The following ABLIM1 variants were observed in gnomAD, a reference collection of about 807,000 sequenced individuals.
ABLIM1 encodes the protein actin-binding LIM protein 1.
Under a neutral mutation model 107.0 loss-of-function variants are expected in ABLIM1, and 40 were observed. The ratio of observed to expected loss-of-function variants is 0.37; its 90% CI spans 0.29 to 0.49. The LOEUF (loss-of-function observed/expected upper bound fraction) is 0.49. Ranked by LOEUF, ABLIM1 falls within the 20% of genes least tolerant of loss-of-function variation. ABLIM1 has a pLI of 0.97. For synonymous variants in ABLIM1, 357 were observed against 357.3 expected (o/e 1.00, Z 0.01); for missense variants, 857 against 1,008.5 (o/e 0.85, Z 2.04).
chr10:114,498,526 C>T (rs1312703222), intron 6 of ABLIM1, among the ~76,000 whole-genome samples: 2 of 152,220 alleles, frequency 1.3e-5, no homozygotes, highest in Non-Finnish European at 2.9e-5. Context: ...TCCTGGACTG[C>T]TGACAGTCCC....
At chr10:114,723,028 G>T (rs2081883843) in intron 1 of ABLIM1, among the ~76,000 whole-genome samples, 1 of 152,158 alleles carries the variant, frequency 6.6e-6, no homozygotes, top group Non-Finnish European at 1.5e-5. Flanking sequence ...AGTAAACCAG[G>T]AATTCCTTCC....
intron 1 of ABLIM1, among the ~76,000 whole-genome samples, chr10:114,625,776 T>C (rs144093297): frequency 5.9e-5 from 9 of 152,298 alleles, no homozygotes; most frequent in East Asian, 1.9e-4. Context: ...TGGAGCCAGA[T>C]AGGCAGAAAA....
chr10:114,760,219 CTGTCTATTATAT>C (rs1177062988), intron 1 of ABLIM1, among the ~76,000 whole-genome samples: 1 of 151,916 alleles, frequency 6.6e-6, no homozygotes, highest in Non-Finnish European at 1.5e-5. Flanking sequence ...GAGTTCAACA[CTGTCTATTATAT>C]TGTCTTGCTT....
chr10:114,449,847 G>A (rs756079152), intron 14 of ABLIM1, among the ~76,000 whole-genome samples: 2 of 152,174 alleles, frequency 1.3e-5, no homozygotes, highest in Non-Finnish European at 2.9e-5. Flanking sequence ...TGGAATGGCT[G>A]TTTTGCAAAA....
At chr10:114,606,193 T>A (rs573919540) in intron 1 of ABLIM1, among the ~76,000 whole-genome samples, 2 of 152,268 alleles carry the variant, frequency 1.3e-5, no homozygotes, top group South Asian at 4.1e-4. Context: ...TCCTTAGCAG[T>A]AGCAGGTAAA....
chr10:114,439,124 G>T, intron 21 of ABLIM1, 52 bp downstream of exon 21: 1 of 1,594,516 alleles, frequency 6.3e-7, no homozygotes, highest in South Asian at 1.1e-5. Flanking sequence ...CATCAAATCT[G>T]TTTAGGGTTA....
intron 1 of ABLIM1, among the ~76,000 whole-genome samples, chr10:114,643,766 G>A (rs930345816): frequency 2.0e-5 from 3 of 151,580 alleles, no homozygotes; most frequent in African/African-American, 7.3e-5. Context: ...TTTAGAGAGG[G>A]AGTCTCACTA....
the ABLIM1 span, among the ~76,000 whole-genome samples, chr10:114,791,642 A>T: frequency 1.3e-5 from 2 of 152,028 alleles, no homozygotes. Context: ...CGTCTCAAAA[A>T]AAAAAACAAA....
intron 2 of ABLIM1, 120 bp downstream of exon 2, chr10:114,601,707 G>T (rs1158535424): frequency 2.0e-6 from 3 of 1,487,084 alleles, no homozygotes; most frequent in Non-Finnish European, 2.8e-6. Flanking sequence ...TGATGTCAGG[G>T]CTTCTGAGAG....
chr10:114,784,665 C>CAAAAAAAAA, the ABLIM1 span, among the ~76,000 whole-genome samples: 1 of 88,002 alleles, frequency 1.1e-5, no homozygotes, highest in Non-Finnish European at 2.1e-5. Flanking sequence ...AGACTCACCT[C>CAAAAAAAAA]AAAAAAAAAA....
chr10:114,466,250 C>A (rs954966825), intron 11 of ABLIM1, among the ~76,000 whole-genome samples: 1 of 151,858 alleles, frequency 6.6e-6, no homozygotes, highest in African/African-American at 2.4e-5. Context: ...TTCGAGGCTG[C>A]AGTAAACTAT....
chr10:114,590,913 T>C lies in ABLIM1; in HGVS notation c.379+10914A>G, dbSNP rs866367257. 5.9e-5 allele frequency among the ~76,000 whole-genome samples: 9 copies of C among 152,290 alleles called. No homozygotes were observed. In the Middle Eastern group the frequency reaches 0.01, roughly 174 times the overall value. ...ATCTTATCAAGGAACCCTCCTTTTG[T>C]CCTCTGCCTCCCACTTGGTCTAGAA... On this transcript the variant is annotated intron_variant, in intron 2 of 22. Coordinates refer to ENST00000533213, the MANE Select transcript of ABLIM1 (RefSeq NM_002313.7).
At chr10:114,699,908 T>G (rs1183394615) in intron 1 of ABLIM1, among the ~76,000 whole-genome samples, 1 of 152,230 alleles carries the variant, frequency 6.6e-6, no homozygotes, top group Non-Finnish European at 1.5e-5. Flanking sequence ...ACCACAGTAT[T>G]GCAAGATGTT....
chr10:114,735,561 C>T (rs904192620), intron 1 of ABLIM1, among the ~76,000 whole-genome samples: 2 of 152,182 alleles, frequency 1.3e-5, no homozygotes, highest in African/African-American at 2.4e-5. Flanking sequence ...CCTCTGCCTC[C>T]CAGGTTCAAG....
intron 1 of ABLIM1, among the ~76,000 whole-genome samples, chr10:114,737,494 C>T (rs2082203847): frequency 6.6e-6 from 1 of 152,180 alleles, no homozygotes; most frequent in Non-Finnish European, 1.5e-5. Flanking sequence ...TCCCAACCTG[C>T]ACCTTGCTCT....
the ABLIM1 span, among the ~76,000 whole-genome samples, chr10:114,787,279 T>C: frequency 3.3e-5 from 5 of 149,700 alleles, no homozygotes; most frequent in East Asian, 6.0e-4. Flanking sequence ...GTCTGAGAAG[T>C]GAGGAGCCTC....
intron 1 of ABLIM1, among the ~76,000 whole-genome samples, chr10:114,766,327 A>C (rs1156836414): frequency 6.6e-6 from 1 of 152,250 alleles, no homozygotes; most frequent in Non-Finnish European, 1.5e-5. Context: ...ATGCAAGATG[A>C]CCAACATGAA....
chr10:114,450,449 T>C lies in ABLIM1; in HGVS notation c.1594+1175A>G, dbSNP rs557934356. Among the ~76,000 whole-genome samples, 4 of 145,758 alleles carry C rather than the reference T, an allele frequency of 2.7e-5. No homozygotes were observed. In the South Asian group the frequency reaches 8.9e-4, roughly 32 times the overall value. ...TTTCTTTCTTTCTTTTTTTTTTTTT[T>C]TTTGGCGACAGAGTCTCATTCTGTC... On this transcript the variant is annotated intron_variant, in intron 14 of 22. Coordinates refer to ENST00000533213, the MANE Select transcript of ABLIM1 (RefSeq NM_002313.7).
At chr10:114,565,604 C>G (rs569348078) in intron 4 of ABLIM1, among the ~76,000 whole-genome samples, 138 of 152,076 alleles carry the variant, frequency 9.1e-4, no homozygotes, top group Admixed American at 2.1e-3. Context: ...ATCTTTCCTA[C>G]GCTCCCTTGG....
Sources: gnomAD v4.1 joint callset for allele counts (sites outside exome capture counted in the v4.1 genomes callset) on GRCh38, gnomAD v4.1.1 for gene constraint, MANE v1.5 for transcripts, NCBI Gene and HGNC (gene_info 2026-07-23, HGNC 2026-07-21) for gene names.